Variants in SYNPO2L observed in about 807,000 individuals in gnomAD.
SYNPO2L encodes synaptopodin 2-like protein.
A neutral mutation model predicts 47.5 loss-of-function variants in SYNPO2L; 34 were observed. The observed-to-expected ratio is 0.72, with a 90% CI of 0.54 to 0.95. The LOEUF is 0.95. Ranked by LOEUF, SYNPO2L falls within the 40% of genes least tolerant of loss-of-function variation. The pLI is 0.00. For missense variants in SYNPO2L, 1,246 were observed against 1,282.0 expected (o/e 0.97, Z 0.43); for synonymous variants, 536 against 524.9 (o/e 1.02, Z -0.29).
rs1388084082 is a variant in SYNPO2L, at chr10:73,645,796, TACA to T, written c.*919_*921del. 3 of 985,846 alleles carry T rather than the reference TACA, an allele frequency of 3.0e-6. No individual in the cohort carries two copies. The Admixed American group carries it at 1.8e-4, about 61-fold the overall frequency. 61.1% of individuals were successfully genotyped at this position (985,846 alleles called of 1,614,324 possible). On this transcript the variant is annotated 3_prime_UTR_variant, in exon 4 of 4. Coordinates refer to ENST00000394810, the MANE Select transcript of SYNPO2L (RefSeq NM_001114133.3). ...TGGGGATATCTGACCCTTCTATCAG[TACA>T]ACGATAAGACTCAGATTGGGTCTTT...
intron 3 of SYNPO2L, among the ~76,000 whole-genome samples, chr10:73,649,388 A>G (rs1383765793): frequency 6.6e-6 from 1 of 152,166 alleles, no homozygotes; most frequent in African/African-American, 2.4e-5. Flanking sequence ...CCTTACCCCT[A>G]TGATATGAGC....
Position 73,648,665 on chromosome 10 carries a change from G to A in SYNPO2L, c.987C>T (p.Pro329=), listed in dbSNP as rs79048905. 1 of 1,610,888 alleles carries A rather than the reference G, an allele frequency of 6.2e-7. No homozygotes were observed. Among genetic ancestry groups the A allele is most frequent in the Non-Finnish European group, 8.5e-7 (1 of 1,177,264 alleles). Residue 329 remains proline, a synonymous_variant, in exon 4 of 4, where the codon CCC becomes CCT. Transcript: ENST00000394810. ...TGAEEEDGVP[P]TSESELDEEA... ...CTTCGTCCAGCTCGGACTCACTCGT[G>A]GGGGGAACGCCGTCCTCCTCCTCAG...
chr10:73,649,654 C>CAA, intron 3 of SYNPO2L: 1 of 922,128 alleles, frequency 1.1e-6, no homozygotes, highest in Non-Finnish European at 1.3e-6. Context: ...CACCATCACT[C>CAA]AAATACATTC....
At chr10:73,653,953 T>C (rs1012981089) in intron 2 of SYNPO2L, 176 bp downstream of exon 2, 5 of 865,090 alleles carry the variant, frequency 5.8e-6, no homozygotes, top group African/African-American at 1.7e-5. Context: ...CATCCCTTAA[T>C]TGCAGATACA....
chr10:73,650,053 C>T, intron 3 of SYNPO2L: 1 of 985,420 alleles, frequency 1.0e-6, no homozygotes, highest in Non-Finnish European at 1.2e-6. Context: ...GCAGGGCTTT[C>T]CATGCCATGT....
At chr10:73,651,083 G>A in intron 3 of SYNPO2L, 2 of 1,500,154 alleles carry the variant, frequency 1.3e-6, no homozygotes, top group Non-Finnish European at 1.8e-6. Flanking sequence ...CCTTTGTCTT[G>A]TCCCCAGAGC....
At position 73,645,263 on chromosome 10, in the gene SYNPO2L, T is replaced by C; in HGVS notation, c.*1455A>G. ...CTTCCACCATCATTCCCTTCCATTCTAACATTCTTCTCCCTCAAATTTTTT... is the reference window on the plus strand; with the variant it reads ...CTTCCACCATCATTCCCTTCCATTCCAACATTCTTCTCCCTCAAATTTTTT... On this transcript the variant is annotated 3_prime_UTR_variant, in exon 4 of 4. Transcript: ENST00000394810. 9.1e-7 allele frequency: 1 copy of C among 1,094,032 alleles called. No homozygotes were observed. Among genetic ancestry groups the C allele is most frequent in the Non-Finnish European group, 1.1e-6 (1 of 888,830 alleles). 67.8% of individuals were successfully genotyped at this position (1,094,032 alleles called of 1,614,324 possible). A position where few individuals can be genotyped will look rare whatever the true frequency, so the allele number is the denominator to read the frequency against.
At chr10:73,649,869 A>C in intron 3 of SYNPO2L, 1 of 985,404 alleles carries the variant, frequency 1.0e-6, no homozygotes, top group Non-Finnish European at 1.2e-6. Flanking sequence ...TCTCCAAGGC[A>C]ACACTCCAAA....
chr10:73,649,095 C>T (rs189802055), intron 3 of SYNPO2L, among the ~76,000 whole-genome samples: 2 of 152,240 alleles, frequency 1.3e-5, no homozygotes, highest in Non-Finnish European at 2.9e-5. Context: ...AGTTGGCTGC[C>T]CTGACACTGC....
Position 73,655,861 on chromosome 10 carries a change from A to G in SYNPO2L, c.62T>C (p.Leu21Pro). 6.4e-7 allele frequency: 1 copy of G among 1,551,348 alleles called. No individual in the cohort carries two copies. Among genetic ancestry groups the G allele is most frequent in the Non-Finnish European group, 8.7e-7 (1 of 1,146,942 alleles). ...TTTCCTCTGCTCGGCCCCCCCATGA[A>G]GTCGGAAGCCCCAGGGGGCTCCCCC... ...LSGGAPWGFR[L>P]HGGAEQRKPL... is the part of the protein sequence containing the mutation. Residue 21 changes from leucine to proline, a missense_variant, in exon 1 of 4, where the codon CTT becomes CCT. By Grantham distance (98) the Leu-to-Pro change is moderately conservative (BLOSUM62 -3). This residue lies in a region of SYNPO2L where 61 missense variants were observed against 55.6 expected (regional missense o/e 1.10). Coordinates refer to ENST00000394810, the MANE Select transcript of SYNPO2L (RefSeq NM_001114133.3).
rs1393030113 is a variant in SYNPO2L at position 73,647,072 on chromosome 10, G to A, written c.2580C>T (p.Ala860=). The change falls in exon 4 of 4, where the codon GCC becomes GCT. Residue 860 remains alanine (A), a synonymous_variant. Transcript: ENST00000394810. ...GGGGAACCTCATCAAAACAGAACATGGCAGTTTTAAGTTGATAGGGCTGAT... is the reference window on the plus strand; with the variant it reads ...GGGGAACCTCATCAAAACAGAACATAGCAGTTTTAAGTTGATAGGGCTGAT... The part of the protein sequence containing the change: ...MRHQPYQLKT[A]MFCFDEVPPT... The A allele has an allele frequency of 1.2e-6, 2 of 1,613,814 alleles. No individual in the cohort carries two copies. The highest frequency in any genetic ancestry group is 1.1e-5 in the South Asian group (1 of 91,082).
intron 3 of SYNPO2L, among the ~76,000 whole-genome samples, chr10:73,651,727 T>G (rs1210543473): frequency 6.6e-6 from 1 of 152,110 alleles, no homozygotes; most frequent in East Asian, 1.9e-4. Context: ...CCATAGCCTC[T>G]CAGTCCCCAG....
At chr10:73,650,858 T>A (rs1327575952) in intron 3 of SYNPO2L, 2 of 1,527,536 alleles carry the variant, frequency 1.3e-6, no homozygotes, top group Middle Eastern at 1.8e-4. Context: ...TATTGACATC[T>A]TCCCCTCCAT....
chr10:73,646,100 C>A lies in SYNPO2L; in HGVS notation c.*618G>T, dbSNP rs1047687605. The A allele has an allele frequency of 1.0e-6, 1 of 985,260 alleles. No homozygotes were observed. The highest frequency in any genetic ancestry group is 1.2e-6 in the Non-Finnish European group (1 of 830,052). 61.0% of individuals were successfully genotyped at this position (985,260 alleles called of 1,614,324 possible). ...CGGCCTCCCAAAGTGCTGGGATTACCGGCGTGAGCCACCGTGCCCGGCCTC... is the reference window on the plus strand; with the variant it reads ...CGGCCTCCCAAAGTGCTGGGATTACAGGCGTGAGCCACCGTGCCCGGCCTC... On this transcript the variant is annotated 3_prime_UTR_variant, in exon 4 of 4. Transcript: ENST00000394810.
intron 2 of SYNPO2L, 46 bp downstream of exon 2, chr10:73,654,083 A>C (rs371572428): frequency 4.5e-6 from 7 of 1,540,532 alleles, no homozygotes; most frequent in Non-Finnish European, 6.1e-6. Flanking sequence ...GAGACAGGCA[A>C]TGGGAGCCCT....
chr10:73,645,084 TGGGACTGAAA>T lies in SYNPO2L; in HGVS notation c.*1624_*1633del. On this transcript the variant is annotated 3_prime_UTR_variant, in exon 4 of 4. Transcript: ENST00000394810. Reference sequence around the variant, plus strand: ...ATAGCTGGGGTTTTGAGGGATGGGGTGGGACTGAAAGGAGGTTTTGGCTCTGGGTATTTCC... The same window carrying T: ...ATAGCTGGGGTTTTGAGGGATGGGGTGGAGGTTTTGGCTCTGGGTATTTCC... 1 of 1,253,648 alleles carries T rather than the reference TGGGACTGAAA, an allele frequency of 8.0e-7. No homozygotes were observed. The highest frequency in any genetic ancestry group is 1.4e-5 in the South Asian group (1 of 72,244). The allele number at this position is 1,253,648 out of a possible 1,614,324, so 77.7% of individuals were successfully genotyped here.
At chr10:73,653,902 G>C (rs1336349978) in intron 2 of SYNPO2L, 1 of 728,746 alleles carries the variant, frequency 1.4e-6, no homozygotes, top group African/African-American at 1.8e-5. Flanking sequence ...ACAGGCCAGG[G>C]GTTGAAGTAG....
chr10:73,647,175 C>G lies in SYNPO2L; in HGVS notation c.2477G>C (p.Arg826Pro). The G allele has an allele frequency of 3.1e-6, 5 of 1,613,708 alleles. No homozygotes were observed. The highest frequency in any genetic ancestry group is 3.4e-6 in the Non-Finnish European group (4 of 1,179,848). The change falls in exon 4 of 4, where the codon CGA becomes CCA. Residue 826 changes from arginine (R) to proline (P), a missense_variant. Physicochemically the swap from Arg to Pro is moderately radical, Grantham distance 103. Transcript: ENST00000394810. ...LLSPFFPQAA[R>P]TLPKAQSQGP... ...CTGGGATTGGGCCTTAGGGAGAGTT[C>G]GGGCCGCCTGGGGGAAAAAGGGAGA...
chr10:73,651,090 G>T, intron 3 of SYNPO2L: 1 of 1,470,468 alleles, frequency 6.8e-7, no homozygotes, highest in Non-Finnish European at 9.0e-7. Context: ...CTTGTCCCCA[G>T]AGCTGGCAGC....
Sources: gnomAD v4.1 joint callset for allele counts (sites outside exome capture counted in the v4.1 genomes callset) on GRCh38, gnomAD v4.1.1 for gene constraint, gnomAD v4.1.1 regional missense constraint, MANE v1.5 for transcripts, NCBI Gene and HGNC (gene_info 2026-07-23, HGNC 2026-07-21) for gene names.